The following SIPA1L3 variants were observed in gnomAD, a reference collection of about 807,000 sequenced individuals.
SIPA1L3 encodes the protein signal-induced proliferation-associated 1-like protein 3.
In SIPA1L3, 59 loss-of-function variants were observed where a neutral mutation model predicts 150.1. The ratio of observed to expected loss-of-function variants is 0.39; its 90% confidence interval spans 0.32 to 0.49. The LOEUF (loss-of-function observed/expected upper bound fraction) is 0.49, where lower values mean the gene tolerates loss of function less well. Among genes scored for constraint, SIPA1L3 ranks in the 20% least tolerant of loss-of-function variants. The pLI is 0.86. For missense variants in SIPA1L3, 2,211 were observed against 2,489.5 expected (o/e 0.89, Z 2.38); for synonymous variants, 1,070 against 1,077.6 (o/e 0.99, Z 0.14).
At chr19:38,084,615 T>G (rs1970083059) in intron 3 of SIPA1L3, among the ~76,000 whole-genome samples, 1 of 149,870 alleles carries the variant, frequency 6.7e-6, no homozygotes, top group Non-Finnish European at 1.5e-5. Flanking sequence ...TAGGTTTTTT[T>G]TTGTTGTTTT....
chr19:38,063,268 C>G (rs529111444), intron 2 of SIPA1L3, among the ~76,000 whole-genome samples: 5 of 152,118 alleles, frequency 3.3e-5, no homozygotes, highest in Admixed American at 2.6e-4. Flanking sequence ...GCACCGCCCC[C>G]GCCGGCCCCC....
chr19:38,201,800 G>C (rs530844613), intron 19 of SIPA1L3, 62 bp from the exon 20 acceptor site: 3 of 1,532,284 alleles, frequency 2.0e-6, no homozygotes, highest in African/African-American at 2.7e-5. Context: ...GGCGTGGTCC[G>C]TCTGTTGCGG....
intron 2 of SIPA1L3, among the ~76,000 whole-genome samples, chr19:38,052,378 G>A (rs775984503): frequency 3.9e-5 from 6 of 152,216 alleles, no homozygotes; most frequent in African/African-American, 1.2e-4. Flanking sequence ...GCTGAAGGGC[G>A]CAAGGAGTAG....
intron 3 of SIPA1L3, among the ~76,000 whole-genome samples, chr19:38,084,761 T>A (rs1034963347): frequency 6.6e-6 from 1 of 150,460 alleles, no homozygotes; most frequent in African/African-American, 2.5e-5. Context: ...TGCCTCAGCC[T>A]CCTGAGTAGC....
At chr19:38,169,047 A>G (rs1028163224) in intron 15 of SIPA1L3, among the ~76,000 whole-genome samples, 1 of 152,172 alleles carries the variant, frequency 6.6e-6, no homozygotes, top group African/African-American at 2.4e-5. Flanking sequence ...GATTTTACAG[A>G]TACCACCTTG....
At chr19:37,923,709 C>T (rs1157472200) in intron 1 of SIPA1L3, among the ~76,000 whole-genome samples, 3 of 151,866 alleles carry the variant, frequency 2.0e-5, no homozygotes, top group African/African-American at 7.3e-5. Context: ...CCGTAGCTTA[C>T]TGCAACTTGT....
Position 38,046,788 on chromosome 19 carries a change from T to C in SIPA1L3, c.-311+17632T>C, listed in dbSNP as rs1969070187. ...GTCAGTTGCTCAGTAAGTGGAGGGCTTTGCTGTCCCTTCTGCTGTACCCAC... is the reference window on the plus strand; with the variant it reads ...GTCAGTTGCTCAGTAAGTGGAGGGCCTTGCTGTCCCTTCTGCTGTACCCAC... On this transcript the variant is annotated intron_variant, in intron 2 of 21. Transcript: ENST00000222345. The surrounding 1 kb of genome is among the most constrained non-coding windows in gnomAD (Gnocchi z 5.6). Among the ~76,000 whole-genome samples the C allele has an allele frequency of 6.6e-6, 1 of 152,164 alleles. No homozygotes were observed. The highest frequency in any genetic ancestry group is 2.1e-4 in the South Asian group (1 of 4,814).
At chr19:37,934,309 A>G (rs1431845432) in intron 1 of SIPA1L3, among the ~76,000 whole-genome samples, 1 of 152,140 alleles carries the variant, frequency 6.6e-6, no homozygotes, top group African/African-American at 2.4e-5. Context: ...ACCTGCTGCT[A>G]TTTTAAGAAT....
chr19:38,118,319 G>T (rs1036046869), intron 8 of SIPA1L3, among the ~76,000 whole-genome samples: 1 of 151,924 alleles, frequency 6.6e-6, no homozygotes, highest in African/African-American at 2.4e-5. Flanking sequence ...CAGCTACTGG[G>T]GAGGCAGAGA....
In SIPA1L3 at chr19:37,948,295, G is replaced by T. The variant is rs142620520; in HGVS notation, c.-379+40937G>T. ...AGCCTGGGCAACATGATGAAATCTT[G>T]TATCTACAAAAAATACAAAAATTGG... On this transcript the variant is annotated intron_variant, in intron 1 of 21. Transcript: ENST00000222345. 1.8e-4 allele frequency among the ~76,000 whole-genome samples: 27 copies of T among 152,174 alleles called. No individual in the cohort carries two copies. In the East Asian group the frequency reaches 4.6e-3, roughly 26 times the overall value.
chr19:37,955,121 G>T (rs1391446948), intron 1 of SIPA1L3, among the ~76,000 whole-genome samples: 1 of 150,342 alleles, frequency 6.7e-6, no homozygotes, highest in African/African-American at 2.4e-5. Flanking sequence ...GCCAGGCATG[G>T]TGGCTCACAC....
intron 1 of SIPA1L3, among the ~76,000 whole-genome samples, chr19:38,000,912 C>CTGTT (rs1967778467): frequency 1.4e-5 from 2 of 138,060 alleles, no homozygotes; most frequent in Non-Finnish European, 3.1e-5. Context: ...ATATATATAA[C>CTGTT]ATATATATAA....
intron 2 of SIPA1L3, among the ~76,000 whole-genome samples, chr19:38,044,546 A>C (rs975661534): frequency 2.0e-5 from 3 of 152,040 alleles, no homozygotes; most frequent in African/African-American, 7.2e-5. Flanking sequence ...GAGGCACAAA[A>C]GGCTGAAGGG....
intron 1 of SIPA1L3, among the ~76,000 whole-genome samples, chr19:37,923,521 G>C (rs999645317): frequency 6.6e-6 from 1 of 152,154 alleles, no homozygotes; most frequent in Middle Eastern, 3.2e-3. Flanking sequence ...CCTGTACAGG[G>C]CACTTACCGT....
At chr19:37,952,394 C>T (rs1366502580) in intron 1 of SIPA1L3, among the ~76,000 whole-genome samples, 1 of 152,118 alleles carries the variant, frequency 6.6e-6, no homozygotes, top group Non-Finnish European at 1.5e-5. Flanking sequence ...AATTCTCTGC[C>T]AGGCGCAGTG....
At chr19:38,137,508 G>A (rs1478339513) in intron 10 of SIPA1L3, among the ~76,000 whole-genome samples, 1 of 150,052 alleles carries the variant, frequency 6.7e-6, no homozygotes, top group African/African-American at 2.5e-5. Context: ...TTTTTTTTAG[G>A]AGATGGGGTC....
intron 15 of SIPA1L3, among the ~76,000 whole-genome samples, chr19:38,181,315 C>G (rs1350034652): frequency 6.6e-6 from 1 of 152,120 alleles, no homozygotes; most frequent in Non-Finnish European, 1.5e-5. Flanking sequence ...TAAATTGACC[C>G]TCAAAAGGGA....
chr19:38,082,921 G>A lies in SIPA1L3; in HGVS notation c.1356G>A (p.Pro452=), dbSNP rs762443559. 4 of 1,612,964 alleles carry A rather than the reference G, an allele frequency of 2.5e-6. No homozygotes were observed. The highest frequency in any genetic ancestry group is 1.7e-5 in the Admixed American group (1 of 59,986). Residue 452 remains proline, a synonymous_variant, in exon 3 of 22, where the codon CCG becomes CCA. Coordinates refer to ENST00000222345, the MANE Select transcript of SIPA1L3 (RefSeq NM_015073.3). ...VSFSRASVGS[P]SSGEGHLAEP... ...TCTCCCGGGCTTCCGTGGGCTCCCC[G>A]AGCAGCGGCGAGGGCCACCTGGCAG...
intron 2 of SIPA1L3, among the ~76,000 whole-genome samples, chr19:38,068,839 C>T (rs1168562717): frequency 6.6e-6 from 1 of 152,056 alleles, no homozygotes; most frequent in Non-Finnish European, 1.5e-5. Context: ...GCCTGGGTGG[C>T]AAAGACCCTG....
Sources: gnomAD v4.1 joint callset for allele counts (sites outside exome capture counted in the v4.1 genomes callset) on GRCh38, gnomAD v4.1.1 for gene constraint, Gnocchi (gnomAD v3.1) non-coding constraint, MANE v1.5 for transcripts, NCBI Gene and HGNC (gene_info 2026-07-23, HGNC 2026-07-21) for gene names.